The following PTPRE variants were observed in gnomAD, a reference collection of about 807,000 sequenced individuals.
PTPRE encodes the protein protein tyrosine phosphatase receptor type E, also known as receptor-type tyrosine-protein phosphatase epsilon.
A neutral mutation model predicts 102.0 loss-of-function variants in PTPRE; 51 were observed. The observed-to-expected ratio is 0.50, with a 90% CI of 0.40 to 0.63. The LOEUF is 0.63. Among genes scored for constraint, PTPRE ranks in the 30% least tolerant of loss-of-function variants. PTPRE has a pLI of 0.00. For synonymous variants in PTPRE, 345 were observed against 348.2 expected, an observed-to-expected ratio of 0.99 and a Z score of 0.10; for missense variants, 752 against 915.1, an observed-to-expected ratio of 0.82 and a Z score of 2.30.
At chr10:128,045,327 G>A (rs1202200329) in intron 3 of PTPRE, among the ~76,000 whole-genome samples, 3 of 152,346 alleles carry the variant, frequency 2.0e-5, no homozygotes, top group Non-Finnish European at 4.4e-5. Flanking sequence ...CCCACGGAGG[G>A]CTGGTGGGGC....
chr10:127,941,814 T>A (rs138139018), intron 1 of PTPRE, among the ~76,000 whole-genome samples: 2 of 151,636 alleles, frequency 1.3e-5, no homozygotes, highest in Non-Finnish European at 2.9e-5. Context: ...GATCTGTACA[T>A]CCAGGCTTCC....
chr10:127,967,628 G>A lies in PTPRE; in HGVS notation c.-30-14646G>A, dbSNP rs1373497160. On this transcript the variant is annotated intron_variant, in intron 1 of 20. Coordinates refer to ENST00000254667, the MANE Select transcript of PTPRE (RefSeq NM_006504.6). ...CAGTCTAGGGTATTTCTTCATAGCA[G>A]TATGAAAATGGACTAACACACAAAT... Among the ~76,000 whole-genome samples the A allele has an allele frequency of 2.0e-5, 3 of 152,268 alleles. No individual in the cohort carries two copies. In the South Asian group the frequency reaches 6.2e-4, roughly 32 times the overall value.
intron 2 of PTPRE, among the ~76,000 whole-genome samples, chr10:128,036,383 CCT>C (rs1239290539): frequency 6.6e-6 from 1 of 152,138 alleles, no homozygotes; most frequent in Non-Finnish European, 1.5e-5. Context: ...GTTCCACTGT[CCT>C]CTCTAATGCA....
chr10:127,999,997 A>AG (rs1853703680), intron 2 of PTPRE: 1 of 979,328 alleles, frequency 1.0e-6, no homozygotes, highest in Admixed American at 6.1e-5. Flanking sequence ...AGACGCGGAA[A>AG]GGGATCCCCA....
At position 127,935,524 on chromosome 10, in the gene PTPRE, G is replaced by A. The variant is rs563156799; in HGVS notation, c.-31+28215G>A. ...TGTGACTCAGCTCCTCCCAGCCTGA[G>A]GGCATCTGGGCCCTGCAACTCCATC... On this transcript the variant is annotated intron_variant, in intron 1 of 20. Transcript: ENST00000254667. Among the ~76,000 whole-genome samples the A allele has an allele frequency of 3.3e-5, 5 of 152,216 alleles. No individual in the cohort carries two copies. In the South Asian group the frequency reaches 8.3e-4, roughly 25 times the overall value.
At chr10:127,921,026 C>T (rs901764233) in intron 1 of PTPRE, among the ~76,000 whole-genome samples, 4 of 152,244 alleles carry the variant, frequency 2.6e-5, no homozygotes, top group Non-Finnish European at 5.9e-5. Flanking sequence ...GGGGCTTGCC[C>T]TGTTCTGATA....
chr10:128,015,925 G>A (rs981267340), intron 2 of PTPRE, among the ~76,000 whole-genome samples: 5 of 152,200 alleles, frequency 3.3e-5, no homozygotes, highest in African/African-American at 1.2e-4. Flanking sequence ...GAAAGCGGAT[G>A]GGCCTTGAAG....
At chr10:127,977,490 A>G (rs1426244441) in intron 1 of PTPRE, among the ~76,000 whole-genome samples, 1 of 152,226 alleles carries the variant, frequency 6.6e-6, no homozygotes, top group Non-Finnish European at 1.5e-5. Flanking sequence ...TCAGCAACCT[A>G]CATTCTGCCC....
At position 127,968,044 on chromosome 10, in the gene PTPRE, G is replaced by GTA. The variant is rs1554903040; in HGVS notation, c.-30-14229_-30-14228insAT. ...TGTGTGTGTGTGTGTGTGTGTGTGT[G>GTA]TGTCCCTGGATATAGGTCACACAGT... On this transcript the variant is annotated intron_variant, in intron 1 of 20. Coordinates refer to ENST00000254667, the MANE Select transcript of PTPRE (RefSeq NM_006504.6). 6.3e-3 allele frequency among the ~76,000 whole-genome samples: 948 copies of GTA among 150,088 alleles called. 5 individuals are homozygous for GTA. The highest frequency in any genetic ancestry group is 8.6e-3 in the Non-Finnish European group (585 of 67,712).
intron 6 of PTPRE, among the ~76,000 whole-genome samples, chr10:128,052,280 C>CAGA (rs1848620177): frequency 6.6e-6 from 1 of 152,148 alleles, no homozygotes; most frequent in Admixed American, 6.5e-5. Flanking sequence ...AAGGGAGACA[C>CAGA]CAGAGTCTCA....
intron 1 of PTPRE, among the ~76,000 whole-genome samples, chr10:127,974,670 C>A (rs1851010793): frequency 6.6e-6 from 1 of 152,186 alleles, no homozygotes; most frequent in African/African-American, 2.4e-5. Flanking sequence ...ATAGTAGATG[C>A]TCACTAATGT....
At chr10:128,067,766 C>A (rs915996747) in intron 11 of PTPRE, among the ~76,000 whole-genome samples, 1 of 152,156 alleles carries the variant, frequency 6.6e-6, no homozygotes, top group Non-Finnish European at 1.5e-5. Context: ...GATTACTCAG[C>A]ACCACCGGCC....
At chr10:127,977,088 T>C (rs1851238685) in intron 1 of PTPRE, among the ~76,000 whole-genome samples, 1 of 152,180 alleles carries the variant, frequency 6.6e-6, no homozygotes, top group Admixed American at 6.5e-5. Flanking sequence ...ATAGTCATGG[T>C]GCTTAAGCGT....
intron 1 of PTPRE, among the ~76,000 whole-genome samples, chr10:127,922,916 G>C (rs1846710618): frequency 6.6e-6 from 1 of 152,132 alleles, no homozygotes; most frequent in African/African-American, 2.4e-5. Context: ...CAGAACCCCA[G>C]ACCCAGCCAA....
intron 1 of PTPRE, among the ~76,000 whole-genome samples, chr10:127,917,458 G>T (rs1471881167): frequency 6.6e-6 from 1 of 152,104 alleles, no homozygotes; most frequent in Non-Finnish European, 1.5e-5. Flanking sequence ...GAGGTTGGAG[G>T]ATTGCTTGAG....
intron 1 of PTPRE, among the ~76,000 whole-genome samples, chr10:127,922,515 C>T (rs762332711): frequency 6.6e-6 from 1 of 152,214 alleles, no homozygotes; most frequent in African/African-American, 2.4e-5. Flanking sequence ...GAGCTGTGCT[C>T]TTCTCTTCCA....
At position 128,084,633 on chromosome 10, in the gene PTPRE, A is replaced by G. The variant is rs759775854; in HGVS notation, c.*1727A>G. 1 of 153,222 alleles carries G rather than the reference A, an allele frequency of 6.5e-6. No individual in the cohort carries two copies. The highest frequency in any genetic ancestry group is 2.4e-5 in the African/African-American group (1 of 41,432). The allele number at this position is 153,222 out of a possible 1,614,324, so 9.5% of individuals were successfully genotyped here. A position where few individuals can be genotyped will look rare whatever the true frequency, so the allele number is the denominator to read the frequency against. On this transcript the variant is annotated 3_prime_UTR_variant, in exon 21 of 21. Coordinates refer to ENST00000254667, the MANE Select transcript of PTPRE (RefSeq NM_006504.6). The stretch of plus-strand genomic sequence containing the variant: ...CTCCTTCTCTGTACAATGATTCAGC[A>G]TCTCGGCGGAAGAGGAAAATGGAGC...
At chr10:127,958,616 G>A (rs1849567612) in intron 1 of PTPRE, among the ~76,000 whole-genome samples, 1 of 152,096 alleles carries the variant, frequency 6.6e-6, no homozygotes, top group Non-Finnish European at 1.5e-5. Context: ...TGAAGATTAT[G>A]CAGCTAAATT....
intron 6 of PTPRE, among the ~76,000 whole-genome samples, chr10:128,050,310 TGGATGGATGAGTGGGAGGGC>T (rs1848457982): frequency 6.9e-6 from 1 of 143,968 alleles, no homozygotes; most frequent in Admixed American, 6.9e-5. Flanking sequence ...AATGCATGGA[TGGATGGATGAGTGGGAGGGC>T]GGATGGATGG....
Sources: allele counts gnomAD v4.1 joint callset (sites outside exome capture counted in the v4.1 genomes callset), GRCh38; gene constraint gnomAD v4.1.1; transcripts MANE v1.5; gene names NCBI Gene and HGNC (gene_info 2026-07-23, HGNC 2026-07-21).